The following TRAPPC9 variants were observed in gnomAD, a reference collection of about 807,000 sequenced individuals.
TRAPPC9 encodes the protein trafficking protein particle complex subunit 9, also known as IKK2 binding protein.
In TRAPPC9, 83 loss-of-function variants were observed where a neutral mutation model predicts 124.0. The observed-to-expected ratio is 0.67, with a 90% CI of 0.56 to 0.80. The LOEUF (loss-of-function observed/expected upper bound fraction) is 0.80. Ranked by LOEUF, TRAPPC9 falls within the 30% of genes least tolerant of loss-of-function variation. The probability of loss-of-function intolerance (pLI) is 0.00; values close to 1 mark genes in which losing one functional copy is unlikely to be tolerated. For missense variants in TRAPPC9, 1,302 were observed against 1,508.3 expected (o/e 0.86, Z 2.27); for synonymous variants, 638 against 617.5 (o/e 1.03, Z -0.49).
In TRAPPC9 at chr8:140,457,610, G is replaced by A. The variant is rs996099863; in HGVS notation, c.-11+29C>T. ...TCCCCGCAGCCGGTCCGAATTGCCTGACCGGGAGCCCCCCCGCTTTGCACT... is the reference window on the plus strand; with the variant it reads ...TCCCCGCAGCCGGTCCGAATTGCCTAACCGGGAGCCCCCCCGCTTTGCACT... On this transcript the variant is annotated intron_variant, in intron 1 of 22. Transcript: ENST00000438773. 14 of 985,698 alleles carry A rather than the reference G, an allele frequency of 1.4e-5. No homozygotes were observed. In the African/African-American group the frequency reaches 2.1e-4, roughly 15 times the overall value. The allele number at this position is 985,698 out of a possible 1,614,324, so 61.1% of individuals were successfully genotyped here.
At position 139,984,283 on chromosome 8, in the gene TRAPPC9, C is replaced by T. The variant is rs1296197917; in HGVS notation, c.2810+4443G>A. ...GAGAAAAGTTCTGTGCACCTGCCTC[C>T]CTCCCAGGTAGCAGTGAGAGCACCA... On this transcript the variant is annotated intron_variant, in intron 19 of 22. Transcript: ENST00000438773. The surrounding 1 kb of genome is among the most constrained non-coding windows in gnomAD (Gnocchi z 4.3). Among the ~76,000 whole-genome samples, 1 of 152,200 alleles carries T rather than the reference C, an allele frequency of 6.6e-6. No homozygotes were observed. The highest frequency in any genetic ancestry group is 1.5e-5 in the Non-Finnish European group (1 of 68,036).
intron 21 of TRAPPC9, among the ~76,000 whole-genome samples, chr8:139,828,295 G>C (rs1386990594): frequency 2.0e-5 from 3 of 152,180 alleles, no homozygotes; most frequent in African/African-American, 7.2e-5. Context: ...GAACTGGCGT[G>C]AGGACAGAAT....
intron 21 of TRAPPC9, among the ~76,000 whole-genome samples, chr8:139,764,709 T>G (rs1338863749): frequency 6.6e-6 from 1 of 152,074 alleles, no homozygotes; most frequent in Non-Finnish European, 1.5e-5. Context: ...TGTCCTGGTG[T>G]GTACGTAGGG....
At chr8:139,842,176 G>A (rs1397960480) in intron 21 of TRAPPC9, among the ~76,000 whole-genome samples, 2 of 152,200 alleles carry the variant, frequency 1.3e-5, no homozygotes, top group African/African-American at 4.8e-5. Context: ...CATCAACCTG[G>A]CCAATTTGCA....
At chr8:139,846,806 T>A (rs1827114725) in intron 21 of TRAPPC9, among the ~76,000 whole-genome samples, 1 of 152,216 alleles carries the variant, frequency 6.6e-6, no homozygotes, top group Non-Finnish European at 1.5e-5. Context: ...CCCACCATGC[T>A]GTCTGTGGAG....
chr8:140,000,037 T>C (rs1373283418), intron 18 of TRAPPC9, among the ~76,000 whole-genome samples: 3 of 152,112 alleles, frequency 2.0e-5, no homozygotes, highest in Non-Finnish European at 2.9e-5. Context: ...AACAGATATA[T>C]AGACCAATGG....
In TRAPPC9 at chr8:139,742,171, G is replaced by T. The variant is rs1818605149; in HGVS notation, c.3056-9969C>A. On this transcript the variant is annotated intron_variant, in intron 21 of 22. Coordinates refer to ENST00000438773, the MANE Select transcript of TRAPPC9 (RefSeq NM_001160372.4). The surrounding 1 kb of genome is among the most constrained non-coding windows in gnomAD (Gnocchi z 4.7). Reference sequence around the variant, plus strand: ...GCCTGACTGCTCCACGCCTTCTATGGCACTGTGGTTGCCTGGCTCTGGTTC... The same window carrying T: ...GCCTGACTGCTCCACGCCTTCTATGTCACTGTGGTTGCCTGGCTCTGGTTC... 6.6e-6 allele frequency among the ~76,000 whole-genome samples: 1 copy of T among 152,204 alleles called. No homozygotes were observed. The highest frequency in any genetic ancestry group is 1.5e-5 in the Non-Finnish European group (1 of 68,028).
At chr8:139,878,801 C>T (rs1829495163) in intron 21 of TRAPPC9, among the ~76,000 whole-genome samples, 1 of 152,166 alleles carries the variant, frequency 6.6e-6, no homozygotes, top group Admixed American at 6.5e-5. Flanking sequence ...CCCATCTCTA[C>T]AAAAATTAAC....
chr8:140,277,894 G>A (rs762183887), intron 14 of TRAPPC9, among the ~76,000 whole-genome samples: 10 of 152,212 alleles, frequency 6.6e-5, no homozygotes, highest in South Asian at 2.1e-4. Context: ...CTATGGCGAT[G>A]AGACTCTCTT....
intron 21 of TRAPPC9, among the ~76,000 whole-genome samples, chr8:139,744,091 TCA>T (rs1385737885): frequency 6.6e-6 from 1 of 152,188 alleles, no homozygotes; most frequent in East Asian, 1.9e-4. Flanking sequence ...GAACACGCAC[TCA>T]CAGCCTCTCC....
chr8:140,089,713 C>G (rs1281323111), intron 17 of TRAPPC9, among the ~76,000 whole-genome samples: 2 of 152,136 alleles, frequency 1.3e-5, no homozygotes, highest in Admixed American at 6.5e-5. Flanking sequence ...AGCAGAGGGT[C>G]TGGCACACAG....
intron 5 of TRAPPC9, among the ~76,000 whole-genome samples, chr8:140,414,009 C>T (rs1342633857): frequency 6.6e-6 from 1 of 151,868 alleles, no homozygotes; most frequent in Non-Finnish European, 1.5e-5. Flanking sequence ...GATTTATAGT[C>T]CTTTGGGTAT....
intron 9 of TRAPPC9, among the ~76,000 whole-genome samples, chr8:140,329,296 T>G (rs1293223407): frequency 2.0e-5 from 3 of 152,122 alleles, no homozygotes; most frequent in African/African-American, 4.8e-5. Context: ...GAGAGAAACA[T>G]CTGTTGGGAT....
rs1831442561 is a variant in TRAPPC9, at chr8:139,907,579, G to T, written c.2964+2568C>A. 7.0e-6 allele frequency among the ~76,000 whole-genome samples: 1 copy of T among 143,766 alleles called. No homozygotes were observed. Among genetic ancestry groups the T allele is most frequent in the Non-Finnish European group, 1.5e-5 (1 of 65,978 alleles). 94.3% of individuals were successfully genotyped at this position (143,766 alleles called of 152,430 possible). ...ATGGAGGCAGAGAGGGAGGGAGGGA[G>T]GGAGGGAGGGATGATGTCCTTAATG... On this transcript the variant is annotated intron_variant, in intron 20 of 22. Coordinates refer to ENST00000438773, the MANE Select transcript of TRAPPC9 (RefSeq NM_001160372.4). This position sits in a 1 kb window ranked among gnomAD's most constrained non-coding sequence, Gnocchi z 4.7.
chr8:140,257,603 T>TG lies in TRAPPC9; in HGVS notation c.2279-4675dup, dbSNP rs1034766123. ...TGACACCTCCAATAGACTCCTAGCA[T>TG]GGGGGGTCCCTGAATATGCCGAATG... is the stretch of plus-strand genomic sequence containing the variant. On this transcript the variant is annotated intron_variant, in intron 15 of 22. Transcript: ENST00000438773. The surrounding 1 kb of genome is among the most constrained non-coding windows in gnomAD (Gnocchi z 4.6). 1.4e-4 allele frequency among the ~76,000 whole-genome samples: 21 copies of TG among 152,286 alleles called. No homozygotes were observed. The highest frequency in any genetic ancestry group is 3.4e-4 in the African/African-American group (14 of 41,560).
chr8:139,961,085 C>G (rs2131560598), intron 19 of TRAPPC9, among the ~76,000 whole-genome samples: 1 of 124,862 alleles, frequency 8.0e-6, no homozygotes, highest in African/African-American at 2.5e-5. Context: ...GAGATCCCAA[C>G]ACAGAACGTC....
intron 5 of TRAPPC9, among the ~76,000 whole-genome samples, chr8:140,412,803 C>G (rs148601395): frequency 2.6e-5 from 4 of 152,056 alleles, no homozygotes; most frequent in African/African-American, 9.7e-5. Context: ...CAAAACAATT[C>G]TATTATATTA....
intron 5 of TRAPPC9, among the ~76,000 whole-genome samples, chr8:140,408,259 A>G (rs1271251215): frequency 6.6e-6 from 1 of 152,140 alleles, no homozygotes; most frequent in Non-Finnish European, 1.5e-5. Context: ...GAGACAAAGA[A>G]AGAGCATGGA....
At chr8:140,289,649 TA>T (rs2131750756) in intron 12 of TRAPPC9, among the ~76,000 whole-genome samples, 1 of 150,942 alleles carries the variant, frequency 6.6e-6, no homozygotes, top group East Asian at 2.0e-4. Context: ...ATATTGTTTT[TA>T]AACCAGATAA....
Sources: gnomAD v4.1 joint callset for allele counts (sites outside exome capture counted in the v4.1 genomes callset) on GRCh38, gnomAD v4.1.1 for gene constraint, Gnocchi (gnomAD v3.1) non-coding constraint, MANE v1.5 for transcripts, NCBI Gene and HGNC (gene_info 2026-07-23, HGNC 2026-07-21) for gene names.